Variants in BMX observed in about 807,000 individuals in gnomAD.
BMX encodes the protein cytoplasmic tyrosine-protein kinase BMX.
BMX carries 31 observed loss-of-function variants against 59.2 expected under a neutral mutation model. The observed-to-expected ratio is 0.52, with a 90% CI of 0.39 to 0.71. BMX has a LOEUF of 0.71. Among genes scored for constraint, BMX ranks in the 30% least tolerant of loss-of-function variants. The pLI, the probability that BMX is intolerant of heterozygous loss-of-function variation, is 0.00. For synonymous variants in BMX, 185 were observed against 181.0 expected, an observed-to-expected ratio of 1.02 and a Z score of -0.18; for missense variants, 474 against 491.7, an observed-to-expected ratio of 0.96 and a Z score of 0.34.
intron 6 of BMX, among the ~76,000 whole-genome samples, chrX:15,519,675 C>T (rs983536689): frequency 8.9e-6 from 1 of 111,796 alleles, no homozygotes; most frequent in Non-Finnish European, 1.9e-5. Context: ...TTTAGCTCAC[C>T]GTTCTGCAGG....
At chrX:15,502,534 T>G in intron 1 of BMX, among the ~76,000 whole-genome samples, 1 of 111,915 alleles carries the variant, frequency 8.9e-6, no homozygotes, top group East Asian at 2.8e-4. Context: ...AAGTGTCTGG[T>G]TTTTATACAC....
intron 10 of BMX, among the ~76,000 whole-genome samples, chrX:15,531,049 C>G (rs1925047748): frequency 9.0e-6 from 1 of 110,703 alleles, no homozygotes; most frequent in Admixed American, 9.6e-5. Flanking sequence ...ATACACGGTT[C>G]TAAATTGTAT....
chrX:15,551,531 A>G (rs1030962192), intron 18 of BMX, among the ~76,000 whole-genome samples: 58 of 56,533 alleles, frequency 1.0e-3, no homozygotes, highest in African/African-American at 2.8e-3. Flanking sequence ...GTGTGTGTGT[A>G]TATATATATA....
At chrX:15,538,096 T>C (rs966827259) in intron 14 of BMX, among the ~76,000 whole-genome samples, 1 of 111,202 alleles carries the variant, frequency 9.0e-6, no homozygotes, top group Admixed American at 9.5e-5. Context: ...CCTTCAATTA[T>C]TGGCAATACA....
chrX:15,509,224 C>T, intron 2 of BMX, 105 bp from the exon 3 acceptor site: 1 of 78,568 alleles, frequency 1.3e-5, no homozygotes, highest in African/African-American at 6.0e-5. Flanking sequence ...CCATTGCCCA[C>T]CCCCCACCCC....
chrX:15,539,773 C>G (rs1925563246), intron 14 of BMX, among the ~76,000 whole-genome samples: 1 of 112,005 alleles, frequency 8.9e-6, no homozygotes, highest in African/African-American at 3.2e-5. Context: ...CTTGTAAAAA[C>G]TGAGTGTCCC....
At chrX:15,532,402 G>T (rs7056653) in intron 11 of BMX, among the ~76,000 whole-genome samples, 8,411 of 110,854 alleles carry the variant, frequency 0.076, 801 homozygotes, top group African/African-American at 0.26. Flanking sequence ...GAGGATTGAG[G>T]TTCAAAAAGA....
chrX:15,536,442 T>G lies in BMX; in HGVS notation c.1222+15T>G. 1 of 1,171,069 alleles carries G rather than the reference T, an allele frequency of 8.5e-7. No individual in the cohort carries two copies. Among genetic ancestry groups the G allele is most frequent in the Non-Finnish European group, 1.2e-6 (1 of 865,874 alleles). ...CCTGGGAAATGGTATGGATACATAC[T>G]TGGGTTCTTAAACTCCATTTTCCAT... On this transcript the variant is annotated intron_variant, in intron 13 of 18. Coordinates refer to ENST00000348343, the MANE Select transcript of BMX (RefSeq NM_203281.3).
At position 15,503,051 on chromosome X, in the gene BMX, A is replaced by T. The variant is rs946854909; in HGVS notation, c.-10+2111A>T. ...GATAACTAAACCAAGTCAAAGGGTA[A>T]GGAATTGCTATCCTTATCTCTGAAT... On this transcript the variant is annotated intron_variant, in intron 1 of 18. Coordinates refer to ENST00000348343, the MANE Select transcript of BMX (RefSeq NM_203281.3). Among the ~76,000 whole-genome samples, 8 of 112,010 alleles carry T rather than the reference A, an allele frequency of 7.1e-5. No homozygotes were observed. The South Asian group carries it at 1.5e-3, about 21-fold the overall frequency.
rs751140507 is a variant in BMX at position 15,537,488 on chromosome X, A to G, written c.1394+183A>G. Among the ~76,000 whole-genome samples, 384 of 112,119 alleles carry G rather than the reference A, an allele frequency of 3.4e-3. 1 individual carries two copies. Among genetic ancestry groups the G allele is most frequent in the Non-Finnish European group, 5.9e-3 (314 of 53,173 alleles). On this transcript the variant is annotated intron_variant, in intron 14 of 18. Transcript: ENST00000348343. ...TAAATCAAATCAGTCTTATGCTCCTACTTTGACAAATATACCTTCATAACA... is the reference window on the plus strand; with the variant it reads ...TAAATCAAATCAGTCTTATGCTCCTGCTTTGACAAATATACCTTCATAACA...
At chrX:15,531,226 G>T in intron 10 of BMX, 102 bp from the exon 11 acceptor site, 1 of 672,055 alleles carries the variant, frequency 1.5e-6, no homozygotes, top group African/African-American at 2.2e-5. Flanking sequence ...GATATATAAA[G>T]TCAATCTAAA....
rs375412828 is a variant in BMX, at chrX:15,509,353, A to G, written c.163A>G (p.Ile55Val). The G allele has an allele frequency of 9.1e-6, 11 of 1,203,522 alleles. No homozygotes were observed. Among genetic ancestry groups the G allele is most frequent in the African/African-American group, 7.1e-5 (4 of 56,198 alleles). Residue 55 changes from isoleucine (I) to valine (V), a missense_variant, in exon 3 of 19, where the codon ATT becomes GTT. Physicochemically the swap from Ile to Val is conservative, Grantham distance 29. Coordinates refer to ENST00000348343, the MANE Select transcript of BMX (RefSeq NM_203281.3). ...GAAAAGGGGCAGCAGAAAAGGATCC[A>G]TTGAAATTAAGAAAATCAGATGTGT... is the stretch of plus-strand genomic sequence containing the variant. ...KMKRGSRKGS[I>V]EIKKIRCVEK...
intron 4 of BMX, 117 bp from the exon 5 acceptor site, chrX:15,515,995 C>T: frequency 1.0e-6 from 1 of 998,732 alleles, no homozygotes; most frequent in East Asian, 3.1e-5. Context: ...TTTGCTCTTA[C>T]CTTGGTTGCT....
intron 9 of BMX, among the ~76,000 whole-genome samples, chrX:15,527,838 T>C (rs1217978861): frequency 3.6e-5 from 4 of 111,876 alleles, no homozygotes; most frequent in African/African-American, 9.8e-5. Flanking sequence ...CTTTACTTTC[T>C]TCCCTAACAT....
At chrX:15,523,782 G>A (rs73635813) in intron 7 of BMX, among the ~76,000 whole-genome samples, 8,954 of 111,264 alleles carry the variant, frequency 0.08, 871 homozygotes, top group African/African-American at 0.27. Context: ...ATAACCAGGA[G>A]GAACTGTCGA....
At chrX:15,509,560 A>G (rs1406856559) in intron 3 of BMX, 127 bp downstream of exon 3, 41 of 482,311 alleles carry the variant, frequency 8.5e-5, no homozygotes, top group Middle Eastern at 6.7e-4. Flanking sequence ...GAATATTCCC[A>G]CATGGGAGTT....
chrX:15,519,215 C>G (rs1226800127), intron 6 of BMX, among the ~76,000 whole-genome samples: 3 of 111,631 alleles, frequency 2.7e-5, no homozygotes, highest in Non-Finnish European at 5.6e-5. Context: ...ACATCTCCGC[C>G]CATCTATTGG....
rs1926422392 is a variant in BMX, at chrX:15,556,072, G to C, written c.1954-1G>C. The stretch of plus-strand genomic sequence containing the variant: ...TTGGGTTTCTTGTTGTTTTTGTTTA[G>C]CTTCCAGAAAAGCGTCCCACATTTC... On this transcript the variant is annotated splice_acceptor_variant, in intron 18 of 18. Transcript: ENST00000348343. LOFTEE classifies it high-confidence loss of function. 1.7e-6 allele frequency: 2 copies of C among 1,198,749 alleles called. No homozygotes were observed. Among genetic ancestry groups the C allele is most frequent in the Non-Finnish European group, 2.2e-6 (2 of 890,181 alleles).
chrX:15,551,642 C>T (rs1926204883), intron 18 of BMX, among the ~76,000 whole-genome samples: 1 of 110,057 alleles, frequency 9.1e-6, no homozygotes, highest in African/African-American at 3.3e-5. Flanking sequence ...ACTCTTGTAC[C>T]GGAGCCTAGA....
Sources: gnomAD v4.1 joint callset for allele counts (sites outside exome capture counted in the v4.1 genomes callset) on GRCh38, gnomAD v4.1.1 for gene constraint, MANE v1.5 for transcripts, NCBI Gene and HGNC (gene_info 2026-07-23, HGNC 2026-07-21) for gene names.